The following SEL1L2 variants were observed in gnomAD, a reference collection of about 807,000 sequenced individuals.
SEL1L2 encodes protein sel-1 homolog 2.
In SEL1L2, 89 loss-of-function variants were observed where a neutral mutation model predicts 98.8. That is an observed-to-expected ratio of 0.90 (90% CI 0.76 to 1.07). The LOEUF (loss-of-function observed/expected upper bound fraction) is 1.07, where lower values mean the gene tolerates loss of function less well. Among genes scored for constraint, SEL1L2 ranks in the 50% least tolerant of loss-of-function variants. SEL1L2 has a pLI of 0.00. For missense variants in SEL1L2, 788 were observed against 812.0 expected, an observed-to-expected ratio of 0.97 and a Z score of 0.36; for synonymous variants, 262 against 278.5, an observed-to-expected ratio of 0.94 and a Z score of 0.59.
At chr20:13,903,935 C>G (rs2047802772) in intron 5 of SEL1L2, among the ~76,000 whole-genome samples, 1 of 152,222 alleles carries the variant, frequency 6.6e-6, no homozygotes, top group Non-Finnish European at 1.5e-5. Flanking sequence ...CTGCCATTAT[C>G]AAGCCCACAT....
intron 4 of SEL1L2, chr20:13,915,058 AG>A: frequency 8.0e-7 from 1 of 1,244,208 alleles, no homozygotes; most frequent in Non-Finnish European, 1.0e-6. Flanking sequence ...ACTCAAATAC[AG>A]GGAAAAAAAA....
chr20:13,990,548 G>C lies in SEL1L2; in HGVS notation c.-14C>G. The stretch of plus-strand genomic sequence containing the variant: ...CAAGGGCTTCATCTTCTCTTAAGCA[G>C]CTTCTCTTCACTGTAACACAGGCAG... On this transcript the variant is annotated 5_prime_UTR_variant, in exon 1 of 20. Coordinates refer to ENST00000284951, the MANE Select transcript of SEL1L2 (RefSeq NM_025229.2). 2 of 1,605,162 alleles carry C rather than the reference G, an allele frequency of 1.2e-6. No homozygotes were observed. Among genetic ancestry groups the C allele is most frequent in the Non-Finnish European group, 1.7e-6 (2 of 1,172,782 alleles).
chr20:13,894,234 A>G (rs1026926889), intron 5 of SEL1L2, among the ~76,000 whole-genome samples: 11 of 152,198 alleles, frequency 7.2e-5, no homozygotes, highest in African/African-American at 2.7e-4. Context: ...CAAGAAGTCA[A>G]CAAAACTAAA....
At chr20:13,957,350 C>T (rs919623985) in intron 1 of SEL1L2, among the ~76,000 whole-genome samples, 3 of 152,198 alleles carry the variant, frequency 2.0e-5, no homozygotes, top group African/African-American at 7.2e-5. Context: ...GATCTGCCTG[C>T]CTCAGCCTCC....
chr20:13,888,358 A>G (rs1416883569), intron 6 of SEL1L2, 101 bp downstream of exon 6: 6 of 774,906 alleles, frequency 7.7e-6, no homozygotes, highest in South Asian at 3.3e-5. Context: ...GTTTTCAACT[A>G]CTACACTAGA....
chr20:13,853,585 G>A (rs74550012), intron 18 of SEL1L2, among the ~76,000 whole-genome samples: 4,967 of 152,274 alleles, frequency 0.033, 170 homozygotes, highest in South Asian at 0.18. Context: ...TACTTACTGT[G>A]TGCCAGTTAC....
At chr20:13,850,103 G>A in intron 19 of SEL1L2, 88 bp downstream of exon 19, 2 of 1,490,158 alleles carry the variant, frequency 1.3e-6, no homozygotes, top group Non-Finnish European at 9.2e-7. Flanking sequence ...GTCCACAAGA[G>A]ACTCCCTGAT....
At chr20:13,915,391 C>T (rs1011068465) in intron 4 of SEL1L2, 2 of 443,268 alleles carry the variant, frequency 4.5e-6, no homozygotes, top group African/African-American at 4.1e-5. Context: ...GTCTCAAGGT[C>T]ACTAAAGGCA....
At chr20:13,859,680 G>A (rs910689048) in intron 17 of SEL1L2, among the ~76,000 whole-genome samples, 6 of 152,132 alleles carry the variant, frequency 3.9e-5, no homozygotes, top group African/African-American at 1.4e-4. Flanking sequence ...TAGTATGCAT[G>A]TTTTGTTGTT....
At chr20:13,906,014 A>G (rs1245976875) in intron 5 of SEL1L2, among the ~76,000 whole-genome samples, 2 of 151,718 alleles carry the variant, frequency 1.3e-5, no homozygotes, top group East Asian at 3.9e-4. Flanking sequence ...GGCTGGGATT[A>G]CAAGCATGCA....
chr20:13,952,824 A>G (rs944503336), intron 2 of SEL1L2, among the ~76,000 whole-genome samples: 2 of 152,182 alleles, frequency 1.3e-5, no homozygotes, highest in African/African-American at 2.4e-5. Context: ...AGGTCAAAAG[A>G]TCAAGACCAT....
chr20:13,919,047 C>G lies in SEL1L2; in HGVS notation c.360G>C (p.Gln120His). ...LFKMGIKVLQ[Q>H]SKSQKQKEEA... ...CTTCTTTTTGTTTTTGGCTTTTAGA[C>G]TGCTGGAGAACCTTGATGCCCATCT... Residue 120 changes from glutamine (Q) to histidine (H), a missense_variant, in exon 4 of 20, where the codon CAG becomes CAC. Coordinates refer to ENST00000284951, the MANE Select transcript of SEL1L2 (RefSeq NM_025229.2). 2 of 1,613,162 alleles carry G rather than the reference C, an allele frequency of 1.2e-6. No homozygotes were observed. Among genetic ancestry groups the G allele is most frequent in the Non-Finnish European group, 1.7e-6 (2 of 1,179,594 alleles).
intron 14 of SEL1L2, among the ~76,000 whole-genome samples, chr20:13,867,099 C>T (rs967939338): frequency 2.0e-5 from 3 of 152,114 alleles, no homozygotes; most frequent in Non-Finnish European, 4.4e-5. Flanking sequence ...AGGACTACTT[C>T]GTCTTATGAA....
intron 2 of SEL1L2, among the ~76,000 whole-genome samples, chr20:13,947,543 T>C (rs2050073729): frequency 1.3e-5 from 2 of 152,156 alleles, no homozygotes. Context: ...TCTTCCTGGA[T>C]GCAGGACAAG....
chr20:13,907,952 T>C (rs2048037773), intron 5 of SEL1L2, among the ~76,000 whole-genome samples: 1 of 150,534 alleles, frequency 6.6e-6, no homozygotes, highest in Non-Finnish European at 1.5e-5. Context: ...TAATACTTAC[T>C]TATTTATATT....
At chr20:13,857,249 T>TA (rs1989314529) in intron 18 of SEL1L2, among the ~76,000 whole-genome samples, 1 of 147,010 alleles carries the variant, frequency 6.8e-6, no homozygotes, top group East Asian at 2.0e-4. Context: ...AAAAAAAAAA[T>TA]AGACTTGTGA....
At chr20:13,931,142 C>T (rs1310918943) in intron 3 of SEL1L2, among the ~76,000 whole-genome samples, 1 of 151,488 alleles carries the variant, frequency 6.6e-6, no homozygotes, top group Middle Eastern at 3.2e-3. Flanking sequence ...CTCCCAGGTT[C>T]ATGCCATCCT....
intron 1 of SEL1L2, 113 bp from the exon 2 acceptor site, chr20:13,956,244 T>C: frequency 1.7e-6 from 1 of 583,454 alleles, no homozygotes; most frequent in South Asian, 2.2e-5. Flanking sequence ...ACTCTAAGAA[T>C]AATTGTTGAC....
chr20:13,890,128 C>T (rs116762575), intron 5 of SEL1L2, among the ~76,000 whole-genome samples: 4,859 of 152,314 alleles, frequency 0.032, 97 homozygotes, highest in African/African-American at 0.045. Context: ...CTCCCTCAAG[C>T]CAGCACAGCT....
Sources: allele counts gnomAD v4.1 joint callset (sites outside exome capture counted in the v4.1 genomes callset), GRCh38; gene constraint gnomAD v4.1.1; transcripts MANE v1.5; gene names NCBI Gene and HGNC (gene_info 2026-07-23, HGNC 2026-07-21).